MAML1: variants seen among roughly 807,000 people sequenced by gnomAD.
The protein encoded by MAML1 is mastermind-like protein 1.
In MAML1, 14 loss-of-function variants were observed where a neutral mutation model predicts 77.1. The observed-to-expected ratio is 0.18, with a 90% CI of 0.12 to 0.28. The LOEUF is 0.28. MAML1 is among the 10% of genes least tolerant of loss of function. The probability of loss-of-function intolerance (pLI) is 1.00; values close to 1 mark genes in which losing one functional copy is unlikely to be tolerated. For synonymous variants in MAML1, 516 were observed against 551.9 expected (o/e 0.93, Z 0.91); for missense variants, 1,217 against 1,327.8 (o/e 0.92, Z 1.30).
chr5:179,754,327 G>A (rs955426648), intron 1 of MAML1, among the ~76,000 whole-genome samples: 2 of 152,152 alleles, frequency 1.3e-5, no homozygotes, highest in Non-Finnish European at 2.9e-5. Flanking sequence ...AGGCATGGTG[G>A]TTCACGCCTG....
At chr5:179,754,972 C>T (rs1779582559) in intron 1 of MAML1, among the ~76,000 whole-genome samples, 1 of 152,126 alleles carries the variant, frequency 6.6e-6, no homozygotes, top group Non-Finnish European at 1.5e-5. Context: ...AAGTGCTTCC[C>T]TCTTACAGAA....
chr5:179,775,726 T>A lies in MAML1; in HGVS notation c.*849T>A. 2.0e-6 allele frequency: 2 copies of A among 985,516 alleles called. No homozygotes were observed. The highest frequency in any genetic ancestry group is 2.4e-6 in the Non-Finnish European group (2 of 829,970). The allele number at this position is 985,516 out of a possible 1,614,324, so 61.0% of individuals were successfully genotyped here. On this transcript the variant is annotated 3_prime_UTR_variant, in exon 5 of 5. Coordinates refer to ENST00000292599, the MANE Select transcript of MAML1 (RefSeq NM_014757.5). ...TGTCTCCCCACCTTCTGCAGTTTTC[T>A]CTGAACATGTATGTTGCCCATGGTG...
chr5:179,761,088 C>T (rs1012982323), intron 1 of MAML1, among the ~76,000 whole-genome samples: 14 of 42,234 alleles, frequency 3.3e-4, no homozygotes, highest in Admixed American at 1.9e-3. Flanking sequence ...AGCGAGTCTC[C>T]GTCTCAAAAA....
intron 1 of MAML1, among the ~76,000 whole-genome samples, chr5:179,749,251 C>T (rs1345345964): frequency 2.0e-5 from 3 of 152,098 alleles, no homozygotes; most frequent in African/African-American, 4.8e-5. Flanking sequence ...CTCAGCCTCC[C>T]GAGTAGCTGA....
Position 179,774,717 on chromosome 5 carries a change from G to T in MAML1, c.2891G>T (p.Arg964Leu). ...CACTGCACCCAGGCCTACCCTGTGCGGACCGCGGGCCAGGAGCTGCCTTTT... is the reference window on the plus strand; with the variant it reads ...CACTGCACCCAGGCCTACCCTGTGCTGACCGCGGGCCAGGAGCTGCCTTTT... The part of the protein sequence containing the change: ...GLHCTQAYPV[R>L]TAGQELPFAY... Residue 964 changes from arginine (R) to leucine (L), a missense_variant, in exon 5 of 5, where the codon CGG (arginine) becomes CTG (leucine). This residue lies in a region of MAML1 where 884 missense variants were observed against 949.3 expected (regional missense o/e 0.93). Coordinates refer to ENST00000292599, the MANE Select transcript of MAML1 (RefSeq NM_014757.5). 6.2e-7 allele frequency: 1 copy of T among 1,611,062 alleles called. No individual in the cohort carries two copies. Among genetic ancestry groups the T allele is most frequent in the East Asian group, 2.2e-5 (1 of 44,884 alleles).
At chr5:179,772,795 G>A (rs73347977) in intron 4 of MAML1, among the ~76,000 whole-genome samples, 3,241 of 152,170 alleles carry the variant, frequency 0.021, 137 homozygotes, top group African/African-American at 0.075. Context: ...ATTCCCACAT[G>A]GTCTGCCCTC....
At position 179,740,572 on chromosome 5, in the gene MAML1, G is replaced by A. The variant is rs561550221; in HGVS notation, c.315+7145G>A. 5.8e-4 allele frequency among the ~76,000 whole-genome samples: 89 copies of A among 152,196 alleles called. No individual in the cohort carries two copies. In the South Asian group the frequency reaches 0.016, roughly 28 times the overall value. The stretch of plus-strand genomic sequence containing the variant: ...ATTACAGGTGTGAGCCACTGTGCCC[G>A]GCCGATCTTTAAGTTTTGGAAGATG... On this transcript the variant is annotated intron_variant, in intron 1 of 4. Transcript: ENST00000292599.
chr5:179,753,504 G>A (rs1397069316), intron 1 of MAML1, among the ~76,000 whole-genome samples: 1 of 152,092 alleles, frequency 6.6e-6, no homozygotes, highest in Non-Finnish European at 1.5e-5. Flanking sequence ...CTTGGTCAAA[G>A]GAGTTTGAGG....
In MAML1 at chr5:179,771,085, C is replaced by T. The variant is rs1385111434; in HGVS notation, c.1972-62C>T. 3.8e-5 allele frequency: 49 copies of T among 1,297,824 alleles called. No homozygotes were observed. In the Admixed American group the frequency reaches 8.2e-4, roughly 22 times the overall value. The allele number at this position is 1,297,824 out of a possible 1,614,324, so 80.4% of individuals were successfully genotyped here. On this transcript the variant is annotated intron_variant, in intron 3 of 4. Transcript: ENST00000292599. This position sits in a 1 kb window ranked among gnomAD's most constrained non-coding sequence, Gnocchi z 4.7. ...AGTTACTTTTCTCTGACCTCCCTCA[C>T]TCCCTTTGTTTTGGATTTTGTTATA...
rs1257473044 is a variant in MAML1 at position 179,775,122 on chromosome 5, G to C, written c.*245G>C. ...ATCAGTACCTGGTGTTGGGACAGCAGGATAGGGTTCTAAAGGTGGTTTTCT... is the reference window on the plus strand; with the variant it reads ...ATCAGTACCTGGTGTTGGGACAGCACGATAGGGTTCTAAAGGTGGTTTTCT... On this transcript the variant is annotated 3_prime_UTR_variant, in exon 5 of 5. Coordinates refer to ENST00000292599, the MANE Select transcript of MAML1 (RefSeq NM_014757.5). The C allele has an allele frequency of 7.0e-6, 9 of 1,287,682 alleles. No individual in the cohort carries two copies. Among genetic ancestry groups the C allele is most frequent in the Non-Finnish European group, 9.8e-7 (1 of 1,016,374 alleles). The allele number at this position is 1,287,682 out of a possible 1,614,324, so 79.8% of individuals were successfully genotyped here. A position where few individuals can be genotyped will look rare whatever the true frequency, so the allele number is the denominator to read the frequency against.
At position 179,765,827 on chromosome 5, in the gene MAML1, G is replaced by A. The variant is rs151052902; in HGVS notation, c.817G>A (p.Glu273Lys). The change falls in exon 2 of 5, where the codon GAG (glutamate) becomes AAG (lysine). Residue 273 changes from glutamate (E) to lysine (K), a missense_variant. By Grantham distance (56) the Glu-to-Lys change is moderately conservative (BLOSUM62 1). This residue lies in a region of MAML1 where 884 missense variants were observed against 949.3 expected (regional missense o/e 0.93). Transcript: ENST00000292599. Reference protein sequence around the residue: ...PDEDMKDLFNEDFEEKKDPES... With the variant: ...PDEDMKDLFNKDFEEKKDPES... The stretch of plus-strand genomic sequence containing the variant: ...TGAAGACATGAAGGACCTGTTTAAT[G>A]AGGACTTCGAGGAGAAGAAGGACCC... The A allele has an allele frequency of 1.9e-6, 3 of 1,614,074 alleles. No homozygotes were observed. The highest frequency in any genetic ancestry group is 1.3e-5 in the African/African-American group (1 of 74,914).
chr5:179,771,111 T>C lies in MAML1; in HGVS notation c.1972-36T>C, dbSNP rs781256496. On this transcript the variant is annotated intron_variant, in intron 3 of 4. Coordinates refer to ENST00000292599, the MANE Select transcript of MAML1 (RefSeq NM_014757.5). The surrounding 1 kb of genome is among the most constrained non-coding windows in gnomAD (Gnocchi z 4.7). ...TCCCTTTGTTTTGGATTTTGTTATATGTTGGTTTTGTTTTGTTGTTCTTGG... is the reference window on the plus strand; with the variant it reads ...TCCCTTTGTTTTGGATTTTGTTATACGTTGGTTTTGTTTTGTTGTTCTTGG... 2.0e-6 allele frequency: 3 copies of C among 1,529,178 alleles called. No individual in the cohort carries two copies. The African/African-American group carries it at 4.1e-5, about 21-fold the overall frequency. 94.7% of individuals were successfully genotyped at this position (1,529,178 alleles called of 1,614,324 possible). A position where few individuals can be genotyped will look rare whatever the true frequency, so the allele number is the denominator to read the frequency against.
intron 1 of MAML1, among the ~76,000 whole-genome samples, chr5:179,753,795 A>T (rs1177617969): frequency 6.6e-6 from 1 of 150,762 alleles, no homozygotes; most frequent in Non-Finnish European, 1.5e-5. Context: ...CAGTCTCCCA[A>T]GTAGCTAGCT....
rs747283199 is a variant in MAML1 at position 179,774,282 on chromosome 5, G to A, written c.2456G>A (p.Gly819Asp). 27 of 1,613,310 alleles carry A rather than the reference G, an allele frequency of 1.7e-5. No homozygotes were observed. The highest frequency in any genetic ancestry group is 2.3e-5 in the Non-Finnish European group (27 of 1,179,990). Residue 819 changes from glycine to aspartate, a missense_variant, in exon 5 of 5, where the codon GGT becomes GAT. Physicochemically the swap from Gly to Asp is moderately conservative, Grantham distance 94 (BLOSUM62 -1). Around this residue, in one of 3 missense-constraint regions of MAML1, gnomAD observed 884 missense variants for 949.3 expected, o/e 0.93. Coordinates refer to ENST00000292599, the MANE Select transcript of MAML1 (RefSeq NM_014757.5). The stretch of plus-strand genomic sequence containing the variant: ...CACAATAAGGGGACCCTGAACCCTG[G>A]TTTAACAAAGCCACCGGTCCCAAGG... ...QQHNKGTLNP[G>D]LTKPPVPRVS...
rs377274911 is a variant in MAML1 at position 179,766,486 on chromosome 5, C to A, written c.1476C>A (p.His492Gln). The change falls in exon 2 of 5, where the codon CAC becomes CAA. Residue 492 changes from histidine to glutamine, a missense_variant. Around this residue, in one of 3 missense-constraint regions of MAML1, gnomAD observed 884 missense variants for 949.3 expected, o/e 0.93. Transcript: ENST00000292599. The surrounding 1 kb of genome is among the most constrained non-coding windows in gnomAD (Gnocchi z 4.0). ...LQPSHVNLLSHQPPSNLNQNS... is the reference protein window; with the variant it reads ...LQPSHVNLLSQQPPSNLNQNS... ...CCAGCCATGTGAACCTGCTGAGTCA[C>A]CAGCCACCGAGTAACTTGAATCAGA... The A allele has an allele frequency of 6.2e-7, 1 of 1,608,124 alleles. No homozygotes were observed. The highest frequency in any genetic ancestry group is 8.5e-7 in the Non-Finnish European group (1 of 1,177,364).
chr5:179,753,349 G>A (rs927482205), intron 1 of MAML1, among the ~76,000 whole-genome samples: 4 of 152,014 alleles, frequency 2.6e-5, no homozygotes, highest in South Asian at 2.1e-4. Flanking sequence ...TCTTTAATGC[G>A]TTTTTACTTT....
In MAML1 at chr5:179,766,021, T is replaced by C; in HGVS notation, c.1011T>C (p.Asp337=). 1 of 1,599,372 alleles carries C rather than the reference T, an allele frequency of 6.3e-7. No individual in the cohort carries two copies. Among genetic ancestry groups the C allele is most frequent in the Non-Finnish European group, 8.5e-7 (1 of 1,174,294 alleles). Residue 337 remains aspartate, a synonymous_variant, in exon 2 of 5, where the codon GAT becomes GAC. Coordinates refer to ENST00000292599, the MANE Select transcript of MAML1 (RefSeq NM_014757.5). This position sits in a 1 kb window ranked among gnomAD's most constrained non-coding sequence, Gnocchi z 4.0. ...CTTCCTCTGCCCCTGTGAGTACAGA[T>C]TCCCCCAGCCTAGGGGGCTCCCAAA... The part of the protein sequence containing the change: ...LGPSSAPVST[D]SPSLGGSQTL...
chr5:179,770,552 T>C (rs1290011628), intron 3 of MAML1, among the ~76,000 whole-genome samples: 6 of 152,362 alleles, frequency 3.9e-5, no homozygotes, highest in East Asian at 1.9e-4. Context: ...AATATTCCAT[T>C]GTATGGACAT....
Position 179,769,097 on chromosome 5 carries a change from G to GA in MAML1, c.1971+12dup, listed in dbSNP as rs1755906902. On this transcript the variant is annotated intron_variant, in intron 3 of 4. Transcript: ENST00000292599. The surrounding 1 kb of genome is among the most constrained non-coding windows in gnomAD (Gnocchi z 4.2). ...CACCTTCTCGCGGAACAGGTAAAAA[G>GA]AAAAGTGGAAGGAAACCACCGCTTC... The GA allele has an allele frequency of 2.5e-6, 4 of 1,613,338 alleles. No homozygotes were observed. The South Asian group carries it at 4.4e-5, about 18-fold the overall frequency.
Sources: allele counts gnomAD v4.1 joint callset (sites outside exome capture counted in the v4.1 genomes callset), GRCh38; gene constraint gnomAD v4.1.1; regional missense constraint gnomAD v4.1.1; non-coding constraint Gnocchi (gnomAD v3.1); transcripts MANE v1.5; gene names NCBI Gene and HGNC (gene_info 2026-07-23, HGNC 2026-07-21).